Variants in CDC14A observed in about 807,000 individuals in gnomAD.
The protein encoded by CDC14A is cell division cycle 14A.
In CDC14A, 53 loss-of-function variants were observed where a neutral mutation model predicts 74.4. The ratio of observed to expected loss-of-function variants is 0.71; its 90% CI spans 0.57 to 0.89. The LOEUF is 0.89. Ranked by LOEUF, CDC14A falls within the 40% of genes least tolerant of loss-of-function variation. The probability of loss-of-function intolerance (pLI) is 0.00; values close to 1 mark genes in which losing one functional copy is unlikely to be tolerated. For synonymous variants in CDC14A, 247 were observed against 258.4 expected (o/e 0.96, Z 0.43); for missense variants, 646 against 713.7 (o/e 0.91, Z 1.08).
chr1:100,355,572 C>T (rs1651764011), intron 2 of CDC14A, among the ~76,000 whole-genome samples: 1 of 152,160 alleles, frequency 6.6e-6, no homozygotes, highest in Non-Finnish European at 1.5e-5. Flanking sequence ...GAAAGACTTG[C>T]TGGAGAATCC....
At chr1:100,421,998 C>T (rs1199705814) in intron 4 of CDC14A, among the ~76,000 whole-genome samples, 2 of 152,156 alleles carry the variant, frequency 1.3e-5, no homozygotes, top group East Asian at 1.9e-4. Context: ...GAGAACATTT[C>T]CCCACTTTGC....
chr1:100,498,620 C>T (rs1259268836), intron 14 of CDC14A, among the ~76,000 whole-genome samples: 1 of 152,160 alleles, frequency 6.6e-6, no homozygotes, highest in African/African-American at 2.4e-5. Context: ...TTTTCCTTTA[C>T]TTCCCACCCC....
intron 8 of CDC14A, among the ~76,000 whole-genome samples, chr1:100,459,275 C>T (rs1311277501): frequency 9.9e-5 from 15 of 152,126 alleles, no homozygotes; most frequent in African/African-American, 3.1e-4. Context: ...TTTTTGGCTG[C>T]GTGAACTTCA....
At chr1:100,466,406 G>T (rs759989031) in intron 9 of CDC14A, among the ~76,000 whole-genome samples, 13 of 152,154 alleles carry the variant, frequency 8.5e-5, no homozygotes, top group Non-Finnish European at 1.5e-4. Flanking sequence ...GAAATAGAAG[G>T]CAAATTACGC....
chr1:100,463,247 T>C (rs1474618024), intron 9 of CDC14A, among the ~76,000 whole-genome samples: 1 of 152,192 alleles, frequency 6.6e-6, no homozygotes, highest in Non-Finnish European at 1.5e-5. Context: ...TTGTTTTTTT[T>C]CAGAATTGCC....
intron 13 of CDC14A, among the ~76,000 whole-genome samples, chr1:100,497,149 G>A (rs149329114): frequency 1.4e-4 from 22 of 152,330 alleles, no homozygotes; most frequent in African/African-American, 5.1e-4. Context: ...AACATATATT[G>A]CTTGGGAACT....
intron 10 of CDC14A, among the ~76,000 whole-genome samples, chr1:100,471,032 C>T (rs550439591): frequency 5.3e-5 from 8 of 151,904 alleles, no homozygotes; most frequent in Non-Finnish European, 7.4e-5. Context: ...TCCAAATGTC[C>T]GTCAACAATT....
chr1:100,447,225 G>A (rs1295625364), intron 7 of CDC14A, among the ~76,000 whole-genome samples: 3 of 152,188 alleles, frequency 2.0e-5, no homozygotes, highest in Non-Finnish European at 2.9e-5. Flanking sequence ...TAGAAAGCTC[G>A]AGGTGAGATA....
chr1:100,503,449 A>C (rs1031682310), intron 15 of CDC14A, among the ~76,000 whole-genome samples: 6 of 152,232 alleles, frequency 3.9e-5, no homozygotes, highest in Admixed American at 1.3e-4. Flanking sequence ...TTTAAAAGCT[A>C]CAATTAGCAT....
intron 15 of CDC14A, among the ~76,000 whole-genome samples, chr1:100,503,334 G>A (rs1648947880): frequency 6.6e-6 from 1 of 152,148 alleles, no homozygotes; most frequent in African/African-American, 2.4e-5. Flanking sequence ...AAATTCTTAG[G>A]TAGGAAAATG....
chr1:100,365,573 A>C (rs555873190), intron 2 of CDC14A, among the ~76,000 whole-genome samples: 2 of 152,298 alleles, frequency 1.3e-5, no homozygotes, highest in Non-Finnish European at 2.9e-5. Flanking sequence ...ACACTGAGTG[A>C]CCAAATTGGG....
intron 9 of CDC14A, among the ~76,000 whole-genome samples, chr1:100,464,926 CT>C (rs58978094): frequency 0.011 from 1,537 of 138,740 alleles, 13 homozygotes; most frequent in African/African-American, 0.032. Context: ...CTTTTCTTTT[CT>C]TTTTTTTTTT....
rs1312759439 is a variant in CDC14A, at chr1:100,504,492, T to G, written c.1755+5230T>G. 4.6e-5 allele frequency among the ~76,000 whole-genome samples: 7 copies of G among 152,350 alleles called. No individual in the cohort carries two copies. The East Asian group carries it at 1.3e-3, about 29-fold the overall frequency. ...CAGATAGTAAAGATTTTTAGCTTTG[T>G]GTCCCAACTATTCAACTCAATACAT... On this transcript the variant is annotated intron_variant, in intron 15 of 15. Transcript: ENST00000336454.
At chr1:100,513,740 A>T (rs1171178437) in intron 15 of CDC14A, among the ~76,000 whole-genome samples, 1 of 152,190 alleles carries the variant, frequency 6.6e-6, no homozygotes, top group Non-Finnish European at 1.5e-5. Context: ...CACCTCCAGA[A>T]TAGCTAAAAT....
chr1:100,487,150 A>G (rs752135489), intron 11 of CDC14A, among the ~76,000 whole-genome samples: 1 of 152,078 alleles, frequency 6.6e-6, no homozygotes, highest in Admixed American at 6.5e-5. Flanking sequence ...ATTGACTTTT[A>G]AAAAAAAGAT....
intron 15 of CDC14A, among the ~76,000 whole-genome samples, chr1:100,500,292 C>G (rs1648549991): frequency 6.6e-6 from 1 of 152,150 alleles, no homozygotes. Context: ...TTCACACTTG[C>G]TATTCTTGAA....
chr1:100,377,912 A>G (rs1423111784), intron 3 of CDC14A, among the ~76,000 whole-genome samples: 1 of 152,260 alleles, frequency 6.6e-6, no homozygotes, highest in African/African-American at 2.4e-5. Flanking sequence ...ATGAGTCTCT[A>G]TCAAATTCCC....
intron 15 of CDC14A, among the ~76,000 whole-genome samples, chr1:100,517,409 T>C (rs1286200832): frequency 1.3e-5 from 2 of 152,338 alleles, no homozygotes; most frequent in East Asian, 3.9e-4. Flanking sequence ...AGGTATTTAA[T>C]TGGAAGAATT....
chr1:100,369,101 G>A (rs1390169440), intron 2 of CDC14A, among the ~76,000 whole-genome samples: 1 of 141,392 alleles, frequency 7.1e-6, no homozygotes, highest in Non-Finnish European at 1.5e-5. Flanking sequence ...TTTTTGAGAT[G>A]GAGTCTCGCT....
Sources: gnomAD v4.1 joint callset for allele counts (sites outside exome capture counted in the v4.1 genomes callset) on GRCh38, gnomAD v4.1.1 for gene constraint, MANE v1.5 for transcripts, NCBI Gene and HGNC (gene_info 2026-07-23, HGNC 2026-07-21) for gene names.